Variants in OR5AN1 observed in about 807,000 individuals in gnomAD.
OR5AN1 encodes the protein olfactory receptor family 5 subfamily AN member 1, also known as olfactory receptor 5AN1.
For missense variants in OR5AN1, 476 were observed against 368.9 expected (o/e 1.29, Z -2.38); for synonymous variants, 167 against 131.8 (o/e 1.27, Z -1.83).
rs1006697749 is a variant in OR5AN1 at position 59,366,267 on chromosome 11, C to T, written c.*873C>T. ...TCCCCCATTAAATTTAGAAAATTTA[C>T]TCTTGTTTGACTGGGTAACTATTGA... On this transcript the variant is annotated 3_prime_UTR_variant, in exon 2 of 2. Transcript: ENST00000641998. 6.6e-6 allele frequency: 1 copy of T among 152,094 alleles called. No individual in the cohort carries two copies. The highest frequency in any genetic ancestry group is 1.5e-5 in the Non-Finnish European group (1 of 68,000). The allele number at this position is 152,094 out of a possible 1,614,324, so 9.4% of individuals were successfully genotyped here.
At position 59,368,195 on chromosome 11, in the gene OR5AN1, C is replaced by T. The variant is rs1367574497; in HGVS notation, c.*2801C>T. ...TGTTTCACAGCCTTCACTGGTGACA[C>T]CTCCAGGTTCTGGGAAATCTGAGGT... is the stretch of plus-strand genomic sequence containing the variant. On this transcript the variant is annotated 3_prime_UTR_variant, in exon 2 of 2. Coordinates refer to ENST00000641998, the MANE Select transcript of OR5AN1 (RefSeq NM_001004729.2). 2.6e-5 allele frequency: 4 copies of T among 152,302 alleles called. No individual in the cohort carries two copies. The highest frequency in any genetic ancestry group is 9.7e-5 in the African/African-American group (4 of 41,450). The allele number at this position is 152,302 out of a possible 1,614,324, so 9.4% of individuals were successfully genotyped here.
Position 59,364,700 on chromosome 11 carries a change from A to C in OR5AN1, c.242A>C (p.Lys81Thr). Reference protein sequence around the residue: ...DVCYISSTVPKMLSNLLQEQQ... With the variant: ...DVCYISSTVPTMLSNLLQEQQ... ...TGCTATATCAGCTCCACAGTCCCCA[A>C]GATGCTCTCCAACCTCTTACAGGAA... Residue 81 changes from lysine (K) to threonine (T), a missense_variant, in exon 2 of 2, where the codon AAG becomes ACG. Physicochemically the swap from Lys to Thr is moderately conservative, Grantham distance 78. Coordinates refer to ENST00000641998, the MANE Select transcript of OR5AN1 (RefSeq NM_001004729.2). 1 of 1,613,898 alleles carries C rather than the reference A, an allele frequency of 6.2e-7. No individual in the cohort carries two copies. Among genetic ancestry groups the C allele is most frequent in the Non-Finnish European group, 8.5e-7 (1 of 1,179,892 alleles).
In OR5AN1 at chr11:59,371,008, A is replaced by T. The variant is rs978146227; in HGVS notation, c.*5614A>T. The T allele has an allele frequency of 3.9e-5, 6 of 151,912 alleles. No individual in the cohort carries two copies. The highest frequency in any genetic ancestry group is 8.8e-5 in the Non-Finnish European group (6 of 67,970). 9.4% of individuals were successfully genotyped at this position (151,912 alleles called of 1,614,324 possible). The stretch of plus-strand genomic sequence containing the variant: ...GTAGGCTTTTTCTTTTCACATGTCC[A>T]TGTGTTATCTACACACAATTGGGTT... On this transcript the variant is annotated 3_prime_UTR_variant, in exon 2 of 2. Coordinates refer to ENST00000641998, the MANE Select transcript of OR5AN1 (RefSeq NM_001004729.2).
chr11:59,360,765 C>T (rs1857454234), intron 1 of OR5AN1, among the ~76,000 whole-genome samples: 1 of 152,148 alleles, frequency 6.6e-6, no homozygotes, highest in Non-Finnish European at 1.5e-5. Context: ...CAGCTCCATC[C>T]ATGTCCCTGC....
chr11:59,364,419 A>G, intron 1 of OR5AN1, 27 bp from the exon 2 acceptor site: 1 of 1,414,046 alleles, frequency 7.1e-7, no homozygotes, highest in Non-Finnish European at 9.8e-7. Context: ...TTAGCAATCC[A>G]TTCTCTTGTC....
At position 59,366,699 on chromosome 11, in the gene OR5AN1, G is replaced by T. The variant is rs370032337; in HGVS notation, c.*1305G>T. Reference sequence around the variant, plus strand: ...TATTTTGGAGTTGTTTAGGATTATTGAGCTGATACTTATTCAAAACTCAGA... The same window carrying T: ...TATTTTGGAGTTGTTTAGGATTATTTAGCTGATACTTATTCAAAACTCAGA... On this transcript the variant is annotated 3_prime_UTR_variant, in exon 2 of 2. Coordinates refer to ENST00000641998, the MANE Select transcript of OR5AN1 (RefSeq NM_001004729.2). The T allele has an allele frequency of 6.6e-6, 1 of 152,088 alleles. No individual in the cohort carries two copies. The highest frequency in any genetic ancestry group is 2.4e-5 in the African/African-American group (1 of 41,396). The allele number at this position is 152,088 out of a possible 1,614,324, so 9.4% of individuals were successfully genotyped here.
In OR5AN1 at chr11:59,370,374, A is replaced by G. The variant is rs1160079553; in HGVS notation, c.*4980A>G. Reference sequence around the variant, plus strand: ...GCTGTCTTCAAGAGACCCGTCTCACATGTAAGACACACACAGGCTCAAAAT... The same window carrying G: ...GCTGTCTTCAAGAGACCCGTCTCACGTGTAAGACACACACAGGCTCAAAAT... On this transcript the variant is annotated 3_prime_UTR_variant, in exon 2 of 2. Coordinates refer to ENST00000641998, the MANE Select transcript of OR5AN1 (RefSeq NM_001004729.2). 1 of 152,216 alleles carries G rather than the reference A, an allele frequency of 6.6e-6. No homozygotes were observed. The highest frequency in any genetic ancestry group is 2.4e-5 in the African/African-American group (1 of 41,460). The allele number at this position is 152,216 out of a possible 1,614,324, so 9.4% of individuals were successfully genotyped here. A position where few individuals can be genotyped will look rare whatever the true frequency, so the allele number is the denominator to read the frequency against.
chr11:59,360,208 C>T (rs1026375367), intron 1 of OR5AN1: 3 of 152,056 alleles, frequency 2.0e-5, no homozygotes, highest in African/African-American at 7.2e-5. Context: ...GCCTGTGTCA[C>T]CAGAATGTAA....
In OR5AN1 at chr11:59,371,295, G is replaced by A. The variant is rs534012921; in HGVS notation, c.*5901G>A. 1 of 152,154 alleles carries A rather than the reference G, an allele frequency of 6.6e-6. No individual in the cohort carries two copies. Among genetic ancestry groups the A allele is most frequent in the South Asian group, 2.1e-4 (1 of 4,818 alleles). 9.4% of individuals were successfully genotyped at this position (152,154 alleles called of 1,614,324 possible). On this transcript the variant is annotated 3_prime_UTR_variant, in exon 2 of 2. Coordinates refer to ENST00000641998, the MANE Select transcript of OR5AN1 (RefSeq NM_001004729.2). The stretch of plus-strand genomic sequence containing the variant: ...TGAGTGCAAAAATGTTCACTGATTT[G>A]GAGAGAAAGATTGTGTTATGGCAAG...
chr11:59,361,982 G>T (rs977080913), intron 1 of OR5AN1, among the ~76,000 whole-genome samples: 2 of 146,074 alleles, frequency 1.4e-5, no homozygotes, highest in African/African-American at 5.6e-5. Flanking sequence ...GTGTGTGTGT[G>T]TTTGTGTGTG....
Position 59,364,475 on chromosome 11 carries a change from A to G in OR5AN1, c.17A>G (p.Asn6Ser), listed in dbSNP as rs750329644. MTGGGNITEITYFILL... is the reference protein window; with the variant it reads MTGGGSITEITYFILL... Reference sequence around the variant, plus strand: ...ACTGAGCCAATGACTGGGGGAGGAAATATTACAGAAATCACCTATTTCATC... The same window carrying G: ...ACTGAGCCAATGACTGGGGGAGGAAGTATTACAGAAATCACCTATTTCATC... Residue 6 changes from asparagine to serine, a missense_variant, in exon 2 of 2, where the codon AAT becomes AGT. Coordinates refer to ENST00000641998, the MANE Select transcript of OR5AN1 (RefSeq NM_001004729.2). The G allele has an allele frequency of 3.1e-6, 5 of 1,609,760 alleles. No homozygotes were observed. The Admixed American group carries it at 6.7e-5, about 22-fold the overall frequency.
At position 59,365,215 on chromosome 11, in the gene OR5AN1, T is replaced by C; in HGVS notation, c.757T>C (p.Tyr253His). The change falls in exon 2 of 2, where the codon TAT becomes CAT. Residue 253 changes from tyrosine (Y) to histidine (H), a missense_variant. Physicochemically the swap from Tyr to His is moderately conservative, Grantham distance 83. Coordinates refer to ENST00000641998, the MANE Select transcript of OR5AN1 (RefSeq NM_001004729.2). Reference sequence around the variant, plus strand: ...TCATCTAACAGCTGTTTCCCTCTTCTATACATCAGGAATCTTTGTCTATTT... The same window carrying C: ...TCATCTAACAGCTGTTTCCCTCTTCCATACATCAGGAATCTTTGTCTATTT... ...ASHLTAVSLFYTSGIFVYLSS... is the reference protein window; with the variant it reads ...ASHLTAVSLFHTSGIFVYLSS... The C allele has an allele frequency of 6.2e-7, 1 of 1,614,094 alleles. No individual in the cohort carries two copies. The highest frequency in any genetic ancestry group is 8.5e-7 in the Non-Finnish European group (1 of 1,179,976).
At chr11:59,364,269 C>G (rs993456779) in intron 1 of OR5AN1, 177 bp from the exon 2 acceptor site, 10 of 493,488 alleles carry the variant, frequency 2.0e-5, no homozygotes, top group Non-Finnish European at 3.5e-5. Context: ...GAACCTGAAG[C>G]ATTGTGCAGG....
intron 1 of OR5AN1, among the ~76,000 whole-genome samples, chr11:59,362,012 CAGAG>C (rs921478618): frequency 1.3e-5 from 2 of 148,952 alleles, no homozygotes; most frequent in Admixed American, 6.7e-5. Flanking sequence ...GTGTGTGTGA[CAGAG>C]AGAGAGAAGA....
rs1042125535 is a variant in OR5AN1, at chr11:59,370,348, T to C, written c.*4954T>C. The C allele has an allele frequency of 2.6e-4, 39 of 152,194 alleles. No homozygotes were observed. Among genetic ancestry groups the C allele is most frequent in the African/African-American group, 9.4e-4 (39 of 41,446 alleles). 9.4% of individuals were successfully genotyped at this position (152,194 alleles called of 1,614,324 possible). On this transcript the variant is annotated 3_prime_UTR_variant, in exon 2 of 2. Transcript: ENST00000641998. Reference sequence around the variant, plus strand: ...GATAAAAAAGGAAGACCCAATGGTATGCTGTCTTCAAGAGACCCGTCTCAC... The same window carrying C: ...GATAAAAAAGGAAGACCCAATGGTACGCTGTCTTCAAGAGACCCGTCTCAC...
intron 1 of OR5AN1, among the ~76,000 whole-genome samples, chr11:59,362,619 T>C (rs1857476627): frequency 6.6e-6 from 1 of 152,136 alleles, no homozygotes; most frequent in Non-Finnish European, 1.5e-5. Flanking sequence ...CCTTTCTAAT[T>C]ATTCATCTTT....
In OR5AN1 at chr11:59,364,683, C is replaced by G. The variant is rs766425545; in HGVS notation, c.225C>G (p.Ile75Met). 3 of 1,613,616 alleles carry G rather than the reference C, an allele frequency of 1.9e-6. No homozygotes were observed. The highest frequency in any genetic ancestry group is 1.3e-5 in the African/African-American group (1 of 74,910). The change falls in exon 2 of 2, where the codon ATC (isoleucine) becomes ATG (methionine). Residue 75 changes from isoleucine to methionine, a missense_variant. Coordinates refer to ENST00000641998, the MANE Select transcript of OR5AN1 (RefSeq NM_001004729.2). ...SNLSFIDVCY[I>M]SSTVPKMLSN... ...TGTCCTTCATAGATGTCTGCTATAT[C>G]AGCTCCACAGTCCCCAAGATGCTCT...
chr11:59,364,632 A>G lies in OR5AN1; in HGVS notation c.174A>G (p.Thr58=). ...TAAGGATGGATTCCCACCTCCATAC[A>G]CCCATGTATTTCTTCCTCAGTAACC... The part of the protein sequence containing the change: ...VLIRMDSHLH[T]PMYFFLSNLS... The change falls in exon 2 of 2, where the codon ACA becomes ACG. Residue 58 remains threonine, a synonymous_variant. Coordinates refer to ENST00000641998, the MANE Select transcript of OR5AN1 (RefSeq NM_001004729.2). The G allele has an allele frequency of 1.2e-6, 2 of 1,613,954 alleles. No homozygotes were observed. Among genetic ancestry groups the G allele is most frequent in the Non-Finnish European group, 8.5e-7 (1 of 1,179,940 alleles).
At position 59,364,679 on chromosome 11, in the gene OR5AN1, A is replaced by G; in HGVS notation, c.221A>G (p.Tyr74Cys). The G allele has an allele frequency of 6.2e-7, 1 of 1,613,902 alleles. No individual in the cohort carries two copies. The highest frequency in any genetic ancestry group is 1.1e-5 in the South Asian group (1 of 91,044). ...AACCTGTCCTTCATAGATGTCTGCT[A>G]TATCAGCTCCACAGTCCCCAAGATG... ...LSNLSFIDVC[Y>C]ISSTVPKMLS... Residue 74 changes from tyrosine to cysteine, a missense_variant, in exon 2 of 2, where the codon TAT becomes TGT. By Grantham distance (194) the Tyr-to-Cys change is radical. Transcript: ENST00000641998.
Sources: gnomAD v4.1 joint callset for allele counts (sites outside exome capture counted in the v4.1 genomes callset) on GRCh38, gnomAD v4.1.1 for gene constraint, MANE v1.5 for transcripts, NCBI Gene and HGNC (gene_info 2026-07-23, HGNC 2026-07-21) for gene names.